The following CEP128 variants were observed in gnomAD, a reference collection of about 807,000 sequenced individuals.
The protein encoded by CEP128 is centrosomal protein 128.
Under a neutral mutation model 156.7 loss-of-function variants are expected in CEP128, and 132 were observed. The observed-to-expected ratio is 0.84, with a 90% CI of 0.73 to 0.97. CEP128 has a LOEUF of 0.97. CEP128 is among the 50% of genes least tolerant of loss of function. The pLI, the probability that CEP128 is intolerant of heterozygous loss-of-function variation, is 0.00. For missense variants in CEP128, 1,252 were observed against 1,281.9 expected (o/e 0.98, Z 0.36); for synonymous variants, 469 against 448.9 (o/e 1.04, Z -0.57).
chr14:80,494,936 T>C (rs545661096), downstream of CEP128, among the ~76,000 whole-genome samples: 17 of 152,234 alleles, frequency 1.1e-4, no homozygotes, highest in African/African-American at 4.8e-5. Context: ...AGAAATAATA[T>C]GACCTTAGCC....
intron 22 of CEP128, among the ~76,000 whole-genome samples, chr14:80,527,999 T>A (rs998112887): frequency 6.6e-6 from 1 of 151,986 alleles, no homozygotes; most frequent in African/African-American, 2.4e-5. Flanking sequence ...GGACAACTGA[T>A]TTTGGTATGT....
intron 23 of CEP128, among the ~76,000 whole-genome samples, chr14:80,525,761 A>G (rs1252680279): frequency 6.6e-6 from 1 of 152,180 alleles, no homozygotes; most frequent in African/African-American, 2.4e-5. Context: ...AATTGTGTTA[A>G]TTTTTATTTG....
intron 23 of CEP128, among the ~76,000 whole-genome samples, chr14:80,515,912 A>G (rs543020211): frequency 6.6e-6 from 1 of 152,262 alleles, no homozygotes; most frequent in East Asian, 1.9e-4. Flanking sequence ...TTTGTTGCCC[A>G]AGCTGGAGTG....
chr14:80,759,489 G>A (rs1244084599), intron 17 of CEP128, among the ~76,000 whole-genome samples: 1 of 152,070 alleles, frequency 6.6e-6, no homozygotes, highest in Admixed American at 6.5e-5. Flanking sequence ...ACACCCCTGG[G>A]TGGTTTCTTA....
chr14:80,586,620 A>G (rs1448264163), intron 19 of CEP128, among the ~76,000 whole-genome samples: 2 of 152,228 alleles, frequency 1.3e-5, no homozygotes, highest in Non-Finnish European at 2.9e-5. Flanking sequence ...CACTTGTGTA[A>G]CATCGACAAT....
chr14:80,685,880 G>T (rs182232430), intron 19 of CEP128, among the ~76,000 whole-genome samples: 1 of 152,188 alleles, frequency 6.6e-6, no homozygotes. Context: ...TTCAATAAAT[G>T]ATGCTGGAAC....
chr14:80,883,858 A>G (rs533128222), intron 8 of CEP128, among the ~76,000 whole-genome samples: 1 of 152,170 alleles, frequency 6.6e-6, no homozygotes, highest in Non-Finnish European at 1.5e-5. Flanking sequence ...CCAAAACAGC[A>G]TAGAACTGGC....
chr14:80,545,296 G>A (rs982452175), intron 21 of CEP128, among the ~76,000 whole-genome samples: 1 of 152,214 alleles, frequency 6.6e-6, no homozygotes, highest in Non-Finnish European at 1.5e-5. Context: ...GGCAATGAGT[G>A]TGATGCAACA....
intron 19 of CEP128, among the ~76,000 whole-genome samples, chr14:80,734,185 C>T (rs1898413014): frequency 6.6e-6 from 1 of 152,056 alleles, no homozygotes; most frequent in African/African-American, 2.4e-5. Flanking sequence ...ATCTATACTG[C>T]TACAAAGGAC....
intron 4 of CEP128, among the ~76,000 whole-genome samples, chr14:80,909,514 T>C (rs1022292309): frequency 4.6e-5 from 7 of 152,186 alleles, no homozygotes; most frequent in Non-Finnish European, 7.4e-5. Context: ...ATCAACCCCA[T>C]TTTAAAACTC....
intron 19 of CEP128, among the ~76,000 whole-genome samples, chr14:80,699,443 ACT>A (rs1414127666): frequency 6.6e-6 from 1 of 151,974 alleles, no homozygotes; most frequent in Admixed American, 6.6e-5. Context: ...TTTCTTTTTG[ACT>A]CTCCCAAGGA....
At chr14:80,790,438 G>A (rs1051754203) in intron 14 of CEP128, among the ~76,000 whole-genome samples, 2 of 151,924 alleles carry the variant, frequency 1.3e-5, no homozygotes, top group African/African-American at 2.4e-5. Context: ...CACAACTTAC[G>A]ACTAGATTAT....
intron 1 of CEP128, among the ~76,000 whole-genome samples, chr14:80,940,386 C>G (rs12892825): frequency 0.55 from 83,475 of 152,118 alleles, 23,518 homozygotes; most frequent in East Asian, 0.68. Flanking sequence ...AAAGTTTTAA[C>G]CTTATCTCTA....
chr14:80,776,522 A>G (rs904885493), intron 16 of CEP128, among the ~76,000 whole-genome samples: 5 of 147,828 alleles, frequency 3.4e-5, no homozygotes, highest in African/African-American at 4.9e-5. Flanking sequence ...TTACTACTCT[A>G]TATATTAATA....
intron 19 of CEP128, among the ~76,000 whole-genome samples, chr14:80,640,551 A>T (rs1894364904): frequency 6.6e-6 from 1 of 152,140 alleles, no homozygotes; most frequent in African/African-American, 2.4e-5. Context: ...TTTCCACAGC[A>T]ACATCCTCTC....
intron 2 of CEP128, among the ~76,000 whole-genome samples, chr14:80,917,970 G>A (rs1347892417): frequency 2.0e-5 from 3 of 152,102 alleles, no homozygotes; most frequent in African/African-American, 4.8e-5. Context: ...CTAAGACAGG[G>A]TTAGAGAACA....
chr14:80,742,653 A>C (rs1263453624), intron 19 of CEP128: 1 of 162,412 alleles, frequency 6.2e-6, no homozygotes, highest in East Asian at 1.8e-4. Flanking sequence ...AATAAAACAT[A>C]AGCTAAATAA....
At chr14:80,921,249 C>A (rs888580801) in intron 2 of CEP128, among the ~76,000 whole-genome samples, 1 of 152,000 alleles carries the variant, frequency 6.6e-6, no homozygotes, top group Non-Finnish European at 1.5e-5. Flanking sequence ...AGAGGTGGGA[C>A]CTTTAAAAGG....
At chr14:80,514,022 A>C (rs187968934) in intron 23 of CEP128, among the ~76,000 whole-genome samples, 118 of 152,324 alleles carry the variant, frequency 7.7e-4, no homozygotes, top group Admixed American at 1.7e-3. Flanking sequence ...CCACTATAAG[A>C]CTTCAAAAAG....
Sources: allele counts gnomAD v4.1 joint callset (sites outside exome capture counted in the v4.1 genomes callset), GRCh38; gene constraint gnomAD v4.1.1; transcripts MANE v1.5; gene names NCBI Gene and HGNC (gene_info 2026-07-23, HGNC 2026-07-21).